PALLD: variants seen among roughly 807,000 people sequenced by gnomAD.
PALLD encodes the protein palladin, cytoskeletal associated protein, also known as palladin.
In PALLD, 61 loss-of-function variants were observed where a neutral mutation model predicts 123.5. That is an observed-to-expected ratio of 0.49 (90% CI 0.40 to 0.61). The LOEUF (loss-of-function observed/expected upper bound fraction) is 0.61. Among genes scored for constraint, PALLD ranks in the 20% least tolerant of loss-of-function variants. The pLI, the probability that PALLD is intolerant of heterozygous loss-of-function variation, is 0.00. For missense variants in PALLD, 1,273 were observed against 1,377.0 expected, an observed-to-expected ratio of 0.92 and a Z score of 1.20; for synonymous variants, 465 against 496.4, an observed-to-expected ratio of 0.94 and a Z score of 0.84.
chr4:168,883,252 C>T (rs1752878213), intron 10 of PALLD, among the ~76,000 whole-genome samples: 2 of 152,030 alleles, frequency 1.3e-5, no homozygotes, highest in South Asian at 2.1e-4. Flanking sequence ...TTTGCTTTAC[C>T]GTAAAATTCA....
intron 2 of PALLD, among the ~76,000 whole-genome samples, chr4:168,554,585 A>G (rs1020947217): frequency 3.3e-5 from 5 of 152,228 alleles, no homozygotes; most frequent in Non-Finnish European, 7.3e-5. Context: ...TTATTTAACA[A>G]GTTGTAATGC....
intron 3 of PALLD, among the ~76,000 whole-genome samples, chr4:168,672,419 A>G (rs1580873960): frequency 6.7e-6 from 1 of 148,518 alleles, no homozygotes; most frequent in East Asian, 2.0e-4. Context: ...TCCCCTTTCC[A>G]GCCCCTATTA....
chr4:168,926,220 G>C lies in PALLD; in HGVS notation c.*40G>C, dbSNP rs2126617157. The C allele has an allele frequency of 6.5e-7, 1 of 1,530,844 alleles. No individual in the cohort carries two copies. Among genetic ancestry groups the C allele is most frequent in the Non-Finnish European group, 8.7e-7 (1 of 1,143,042 alleles). 94.8% of individuals were successfully genotyped at this position (1,530,844 alleles called of 1,614,324 possible). On this transcript the variant is annotated 3_prime_UTR_variant, in exon 22 of 22. Transcript: ENST00000505667. The stretch of plus-strand genomic sequence containing the variant: ...TACTCTTTTTCTTTGTAGCCCAGTG[G>C]CATCAGCAGTCACAGAGCACCAAGC...
At chr4:168,701,823 C>T (rs1212026262) in intron 8 of PALLD, among the ~76,000 whole-genome samples, 1 of 152,176 alleles carries the variant, frequency 6.6e-6, no homozygotes, top group Non-Finnish European at 1.5e-5. Context: ...GTTGTCTAGG[C>T]AGGAAGTGCC....
At chr4:168,725,917 C>T (rs17708128) in intron 10 of PALLD, among the ~76,000 whole-genome samples, 6,425 of 152,288 alleles carry the variant, frequency 0.042, 197 homozygotes, top group South Asian at 0.091. Context: ...GTTACAGGGG[C>T]AAATTCTTGC....
chr4:168,756,941 G>A (rs1367112208), intron 10 of PALLD, among the ~76,000 whole-genome samples: 1 of 152,190 alleles, frequency 6.6e-6, no homozygotes, highest in African/African-American at 2.4e-5. Context: ...AAGATGGAAA[G>A]CCCAGAAGAG....
At chr4:168,866,659 A>C (rs865790494) in intron 10 of PALLD, among the ~76,000 whole-genome samples, 1 of 152,228 alleles carries the variant, frequency 6.6e-6, no homozygotes, top group Non-Finnish European at 1.5e-5. Context: ...AGTTGATGGT[A>C]CTTACACTGA....
intron 10 of PALLD, among the ~76,000 whole-genome samples, chr4:168,763,577 G>T (rs900234844): frequency 9.2e-5 from 14 of 152,294 alleles, no homozygotes; most frequent in African/African-American, 3.1e-4. Context: ...TTACAGAAAA[G>T]ACACTAGGAG....
intron 10 of PALLD, among the ~76,000 whole-genome samples, chr4:168,740,308 A>G (rs530980190): frequency 1.3e-5 from 2 of 152,338 alleles, no homozygotes; most frequent in South Asian, 2.1e-4. Flanking sequence ...ACTTTTTGAG[A>G]AAGTAAACTT....
chr4:168,823,044 A>G (rs549134923), intron 10 of PALLD, among the ~76,000 whole-genome samples: 1 of 152,346 alleles, frequency 6.6e-6, no homozygotes, highest in South Asian at 2.1e-4. Context: ...CTCCATTAAA[A>G]AAAATAGAAT....
chr4:168,759,334 T>C (rs1732497948), intron 10 of PALLD, among the ~76,000 whole-genome samples: 1 of 150,066 alleles, frequency 6.7e-6, no homozygotes, highest in African/African-American at 2.5e-5. Context: ...TATTCGTGTA[T>C]AGTAGGATTT....
intron 4 of PALLD, among the ~76,000 whole-genome samples, chr4:168,682,094 C>T (rs886561997): frequency 2.0e-5 from 3 of 152,114 alleles, no homozygotes; most frequent in African/African-American, 4.8e-5. Context: ...CCTTTGGATA[C>T]GATCTATATT....
At chr4:168,911,501 A>G (rs1758939263) in intron 15 of PALLD, among the ~76,000 whole-genome samples, 1 of 152,186 alleles carries the variant, frequency 6.6e-6, no homozygotes, top group Non-Finnish European at 1.5e-5. Flanking sequence ...AACAATACAC[A>G]CACTTCCTTG....
At chr4:168,550,409 A>T (rs940058625) in intron 2 of PALLD, among the ~76,000 whole-genome samples, 1 of 152,216 alleles carries the variant, frequency 6.6e-6, no homozygotes. Flanking sequence ...GAGTTATTCT[A>T]GTTCTCTGTT....
chr4:168,591,678 T>C (rs1041690301), intron 2 of PALLD, among the ~76,000 whole-genome samples: 1 of 152,224 alleles, frequency 6.6e-6, no homozygotes, highest in Non-Finnish European at 1.5e-5. Context: ...AATATTGATG[T>C]ATCTTTTTAA....
rs112589264 is a variant in PALLD at position 168,670,775 on chromosome 4, CAAAAA to C, written c.1087+2416_1087+2420del. Reference sequence around the variant, plus strand: ...AAAAAACAAAAAAAACAAAAAAAAACAAAAAAAAAAAAACAAAAAAAACAAAAAAG... The same window carrying C: ...AAAAAACAAAAAAAACAAAAAAAAACAAAAAAAACAAAAAAAACAAAAAAG... On this transcript the variant is annotated intron_variant, in intron 3 of 21. Coordinates refer to ENST00000505667, the MANE Select transcript of PALLD (RefSeq NM_001166108.2). Among the ~76,000 whole-genome samples the C allele has an allele frequency of 2.6e-4, 26 of 100,208 alleles. 1 individual carries two copies. The highest frequency in any genetic ancestry group is 9.2e-4 in the African/African-American group (23 of 25,130). 65.7% of individuals were successfully genotyped at this position (100,208 alleles called of 152,430 possible). A position where few individuals can be genotyped will look rare whatever the true frequency, so the allele number is the denominator to read the frequency against.
chr4:168,726,784 T>C (rs115051664), intron 10 of PALLD, among the ~76,000 whole-genome samples: 625 of 152,138 alleles, frequency 4.1e-3, no homozygotes, highest in African/African-American at 0.014. Context: ...ATTTTAGATA[T>C]AGGGGATACA....
At chr4:168,724,060 T>C (rs1053348306) in intron 10 of PALLD, among the ~76,000 whole-genome samples, 1 of 151,994 alleles carries the variant, frequency 6.6e-6, no homozygotes, top group Non-Finnish European at 1.5e-5. Context: ...GCCCAGCTAA[T>C]TTTTTTGTAT....
At chr4:168,498,778 G>T (rs1265352052) in intron 1 of PALLD, among the ~76,000 whole-genome samples, 1 of 152,146 alleles carries the variant, frequency 6.6e-6, no homozygotes, top group Non-Finnish European at 1.5e-5. Flanking sequence ...TAAGTGAGAA[G>T]AATAAAGCCC....
Sources: allele counts gnomAD v4.1 joint callset (sites outside exome capture counted in the v4.1 genomes callset), GRCh38; gene constraint gnomAD v4.1.1; transcripts MANE v1.5; gene names NCBI Gene and HGNC (gene_info 2026-07-23, HGNC 2026-07-21).